Variants in LUZP2 observed in about 807,000 individuals in gnomAD.
LUZP2 encodes leucine zipper protein 2.
In LUZP2, 52 loss-of-function variants were observed where a neutral mutation model predicts 51.6. The observed-to-expected ratio is 1.01, with a 90% CI of 0.81 to 1.27. The LOEUF (loss-of-function observed/expected upper bound fraction) is 1.27. Ranked by LOEUF, LUZP2 falls within the 50% of genes most tolerant of loss-of-function variation. The pLI, the probability that LUZP2 is intolerant of heterozygous loss-of-function variation, is 0.00. For missense variants in LUZP2, 436 were observed against 395.4 expected (o/e 1.10, Z -0.87); for synonymous variants, 154 against 137.3 (o/e 1.12, Z -0.85).
chr11:24,860,850 A>G (rs548865895), intron 5 of LUZP2, among the ~76,000 whole-genome samples: 2 of 152,292 alleles, frequency 1.3e-5, no homozygotes, highest in Admixed American at 1.3e-4. Context: ...AAGATAAGAC[A>G]GAATCAATTT....
chr11:24,935,964 A>G (rs1358267665), intron 7 of LUZP2, among the ~76,000 whole-genome samples: 1 of 152,162 alleles, frequency 6.6e-6, no homozygotes, highest in Non-Finnish European at 1.5e-5. Context: ...ACATGTTTAG[A>G]TGTTCCCTTT....
intron 5 of LUZP2, among the ~76,000 whole-genome samples, chr11:24,880,455 G>A (rs1401422474): frequency 6.6e-6 from 1 of 152,182 alleles, no homozygotes; most frequent in Admixed American, 6.6e-5. Flanking sequence ...TTTTTGTGTA[G>A]AGAGTTGCTA....
chr11:24,574,907 A>G lies in LUZP2; in HGVS notation c.62+77602A>G, dbSNP rs182643629. Among the ~76,000 whole-genome samples the G allele has an allele frequency of 3.7e-3, 559 of 152,278 alleles. 3 individuals are homozygous for G. Among genetic ancestry groups the G allele is most frequent in the Non-Finnish European group, 6.4e-3 (437 of 68,000 alleles). On this transcript the variant is annotated intron_variant, in intron 1 of 11. Transcript: ENST00000336930. The stretch of plus-strand genomic sequence containing the variant: ...ATAATTTAAAATTGCAAGTTTGTAA[A>G]GTAATCCTCTTAAGGGGAGATTAAG...
At chr11:25,004,302 T>C (rs1040135108) in intron 9 of LUZP2, among the ~76,000 whole-genome samples, 1 of 152,148 alleles carries the variant, frequency 6.6e-6, no homozygotes, top group Non-Finnish European at 1.5e-5. Context: ...TTGTAAACAA[T>C]ACTGCTAACA....
intron 10 of LUZP2, among the ~76,000 whole-genome samples, chr11:25,074,372 A>T (rs1218814028): frequency 6.6e-6 from 1 of 152,168 alleles, no homozygotes; most frequent in East Asian, 1.9e-4. Flanking sequence ...AATGCCTGTG[A>T]CGCACAGAAA....
rs954130474 is a variant in LUZP2 at position 24,559,205 on chromosome 11, TAAG to T, written c.62+61903_62+61905del. 3.0e-4 allele frequency among the ~76,000 whole-genome samples: 46 copies of T among 151,730 alleles called. 2 individuals carry two copies. The highest frequency in any genetic ancestry group is 9.9e-4 in the African/African-American group (41 of 41,402). On this transcript the variant is annotated intron_variant, in intron 1 of 11. Coordinates refer to ENST00000336930, the MANE Select transcript of LUZP2 (RefSeq NM_001009909.4). ...TATTTTTCTAAATAGAAATAAAAAA[TAAG>T]AAAAAACAAGTAGATTTGTAAAAAT...
intron 10 of LUZP2, among the ~76,000 whole-genome samples, chr11:25,076,617 A>AGGGAGGAAGGGAAAAAGAG (rs1859308063): frequency 7.3e-6 from 1 of 137,022 alleles, no homozygotes; most frequent in East Asian, 2.4e-4. Flanking sequence ...GAAGGAATGA[A>AGGGAGGAAGGGAAAAAGAG]GGAAGGAAGG....
intron 9 of LUZP2, among the ~76,000 whole-genome samples, chr11:25,025,906 G>A (rs1051961742): frequency 3.3e-5 from 5 of 152,084 alleles, no homozygotes; most frequent in Admixed American, 2.6e-4. Flanking sequence ...ATGTCCATCA[G>A]TGATAGACTG....
chr11:24,914,219 G>A (rs970570279), intron 6 of LUZP2, among the ~76,000 whole-genome samples: 21 of 152,226 alleles, frequency 1.4e-4, no homozygotes, highest in African/African-American at 4.8e-4. Context: ...GTTTAGTTGT[G>A]GATTGGAGGA....
rs1371161486 is a variant in LUZP2, at chr11:25,080,287, C to T, written c.*1629C>T. ...AATAGGGTTTGTGTTAGACAATTTG[C>T]CCAACTGTAGGATGAGGTATATGTT... On this transcript the variant is annotated 3_prime_UTR_variant, in exon 12 of 12. Coordinates refer to ENST00000336930, the MANE Select transcript of LUZP2 (RefSeq NM_001009909.4). 4.6e-5 allele frequency: 7 copies of T among 152,066 alleles called. No individual in the cohort carries two copies. Among genetic ancestry groups the T allele is most frequent in the Non-Finnish European group, 8.8e-5 (6 of 68,020 alleles). 9.4% of individuals were successfully genotyped at this position (152,066 alleles called of 1,614,324 possible).
At chr11:24,758,709 T>A (rs765783139) in intron 4 of LUZP2, among the ~76,000 whole-genome samples, 1 of 152,060 alleles carries the variant, frequency 6.6e-6, no homozygotes, top group Non-Finnish European at 1.5e-5. Flanking sequence ...TATTTTAGAT[T>A]TAAGAGCAGA....
At position 25,066,173 on chromosome 11, in the gene LUZP2, A is replaced by G. The variant is rs530764382; in HGVS notation, c.859-11156A>G. On this transcript the variant is annotated intron_variant, in intron 10 of 11. Coordinates refer to ENST00000336930, the MANE Select transcript of LUZP2 (RefSeq NM_001009909.4). ...GGGATTTTATTTCTTCTATTTTGTG[A>G]CTGAAAAAATCTCCCAACTCTTCCT... 2.5e-4 allele frequency among the ~76,000 whole-genome samples: 26 copies of G among 106,072 alleles called. 1 individual carries two copies. Among genetic ancestry groups the G allele is most frequent in the South Asian group, 1.1e-3 (4 of 3,616 alleles). 69.6% of individuals were successfully genotyped at this position (106,072 alleles called of 152,430 possible). A position where few individuals can be genotyped will look rare whatever the true frequency, so the allele number is the denominator to read the frequency against.
Position 24,796,570 on chromosome 11 carries a change from G to GA in LUZP2, c.396+33275dup, listed in dbSNP as rs772729654. Reference sequence around the variant, plus strand: ...GATAGAGGAAAAAAAGAGCCAAAGAGAAAAAAAAAAAAAGGAAAGTGAGAG... The same window carrying GA: ...GATAGAGGAAAAAAAGAGCCAAAGAGAAAAAAAAAAAAAAGGAAAGTGAGAG... On this transcript the variant is annotated intron_variant, in intron 5 of 11. Coordinates refer to ENST00000336930, the MANE Select transcript of LUZP2 (RefSeq NM_001009909.4). Among the ~76,000 whole-genome samples, 457 of 116,354 alleles carry GA rather than the reference G, an allele frequency of 3.9e-3. 2 individuals carry two copies. The highest frequency in any genetic ancestry group is 0.013 in the Middle Eastern group (3 of 224). 76.3% of individuals were successfully genotyped at this position (116,354 alleles called of 152,430 possible).
intron 9 of LUZP2, among the ~76,000 whole-genome samples, chr11:24,989,584 C>T (rs1007071642): frequency 1.3e-5 from 2 of 152,048 alleles, no homozygotes; most frequent in Admixed American, 6.6e-5. Flanking sequence ...GGAGATAGAA[C>T]AGACAAATAT....
At chr11:24,826,231 C>G (rs1590600698) in intron 5 of LUZP2, among the ~76,000 whole-genome samples, 5 of 135,042 alleles carry the variant, frequency 3.7e-5, no homozygotes, top group African/African-American at 1.4e-4. Flanking sequence ...TTTCAGGGAA[C>G]AGTTTAGGAC....
chr11:24,499,506 C>T (rs992363150), intron 1 of LUZP2, among the ~76,000 whole-genome samples: 1 of 152,188 alleles, frequency 6.6e-6, no homozygotes, highest in Non-Finnish European at 1.5e-5. Flanking sequence ...GCTTATTGTC[C>T]TGCTGGGAAA....
At chr11:24,980,843 G>A (rs1360850357) in intron 8 of LUZP2, among the ~76,000 whole-genome samples, 1 of 151,604 alleles carries the variant, frequency 6.6e-6, no homozygotes, top group African/African-American at 2.4e-5. Context: ...CATTTGTAAA[G>A]GCTCTAATAT....
chr11:25,067,920 G>A (rs1442931161), intron 10 of LUZP2, among the ~76,000 whole-genome samples: 1 of 152,008 alleles, frequency 6.6e-6, no homozygotes, highest in African/African-American at 2.4e-5. Flanking sequence ...CAATCCAAAT[G>A]CCCATCAATG....
intron 9 of LUZP2, among the ~76,000 whole-genome samples, chr11:24,992,980 A>G (rs1856393510): frequency 6.6e-6 from 1 of 152,140 alleles, no homozygotes; most frequent in Non-Finnish European, 1.5e-5. Context: ...CAAAATATAC[A>G]ATTACTTTTT....
Sources: gnomAD v4.1 joint callset for allele counts (sites outside exome capture counted in the v4.1 genomes callset) on GRCh38, gnomAD v4.1.1 for gene constraint, MANE v1.5 for transcripts, NCBI Gene and HGNC (gene_info 2026-07-23, HGNC 2026-07-21) for gene names.